Variants in DOK7 observed in about 807,000 individuals in gnomAD.
DOK7 encodes protein Dok-7.
A neutral mutation model predicts 30.7 loss-of-function variants in DOK7; 32 were observed. That is an observed-to-expected ratio of 1.04 (90% confidence interval 0.79 to 1.40). DOK7 has a LOEUF of 1.40. DOK7 is among the 40% of genes most tolerant of loss of function. The pLI is 0.00. For synonymous variants in DOK7, 447 were observed against 324.1 expected (o/e 1.38, Z -4.07); for missense variants, 1,007 against 699.2 (o/e 1.44, Z -4.97).
At chr4:3,483,595 G>A (rs1312024018) in intron 4 of DOK7, among the ~76,000 whole-genome samples, 1 of 152,220 alleles carries the variant, frequency 6.6e-6, no homozygotes, top group African/African-American at 2.4e-5. Context: ...TTCGGGGTGA[G>A]TGACGCTCCG....
chr4:3,494,504 C>G, downstream of DOK7: 2 of 985,522 alleles, frequency 2.0e-6, no homozygotes, highest in Non-Finnish European at 2.4e-6. Flanking sequence ...TAGTCCGTTG[C>G]CCAGCCCTCT....
At chr4:3,466,327 G>C (rs1327615732) in intron 2 of DOK7, among the ~76,000 whole-genome samples, 1 of 152,168 alleles carries the variant, frequency 6.6e-6, no homozygotes, top group Non-Finnish European at 1.5e-5. Context: ...GGACCCCACG[G>C]AGACGGCGCA....
intron 6 of DOK7, 47 bp from the exon 7 acceptor site, chr4:3,492,712 A>C (rs894235000): frequency 1.9e-6 from 3 of 1,588,760 alleles, no homozygotes; most frequent in South Asian, 2.2e-5. Flanking sequence ...CGTCCTGCCC[A>C]GACCCCTGTA....
chr4:3,491,677 G>A (rs528746772), intron 6 of DOK7, among the ~76,000 whole-genome samples: 2 of 152,358 alleles, frequency 1.3e-5, no homozygotes, highest in African/African-American at 4.8e-5. Flanking sequence ...GTGGCTGGGG[G>A]AGACCAAGGC....
intron 4 of DOK7, among the ~76,000 whole-genome samples, chr4:3,477,101 G>A (rs574219441): frequency 3.9e-5 from 6 of 152,312 alleles, no homozygotes; most frequent in Admixed American, 2.6e-4. Context: ...GAGGGAAATC[G>A]GAGCAGGAAG....
chr4:3,494,706 G>GCACGTGTGGCACATTCCTGGGTGTGTC (rs1301783425), downstream of DOK7, among the ~76,000 whole-genome samples: 10 of 152,240 alleles, frequency 6.6e-5, no homozygotes, highest in Non-Finnish European at 1.3e-4. Flanking sequence ...TGTGGTGTGT[G>GCACGTGTGGCACATTCCTGGGTGTGTC]CACGTGTGGC....
Position 3,473,508 on chromosome 4 carries a change from G to A in DOK7, c.203G>A (p.Gly68Asp). Residue 68 changes from glycine (G) to aspartate (D), a missense_variant, in exon 3 of 7, where the codon GGC becomes GAC. By Grantham distance (94) the Gly-to-Asp change is moderately conservative. Coordinates refer to ENST00000340083, the MANE Select transcript of DOK7 (RefSeq NM_173660.5). ...GAGGACATCTGCGGGCTGGAGCCCG[G>A]CCTGCCCTACGAGGGCCTGGTCCAC... ...TLEDICGLEP[G>D]LPYEGLVHTL... 6.2e-7 allele frequency: 1 copy of A among 1,611,138 alleles called. No individual in the cohort carries two copies. Among genetic ancestry groups the A allele is most frequent in the Non-Finnish European group, 8.5e-7 (1 of 1,179,772 alleles).
At chr4:3,485,284 G>A (rs559020486) in intron 4 of DOK7, 131 of 458,512 alleles carry the variant, frequency 2.9e-4, no homozygotes, top group African/African-American at 2.2e-3. Flanking sequence ...AGTTTGAAGG[G>A]TGCGGCGGGG....
chr4:3,484,692 G>A, intron 4 of DOK7: 1 of 985,532 alleles, frequency 1.0e-6, no homozygotes, highest in African/African-American at 1.7e-5. Context: ...CTGCTGTGGG[G>A]GTGCAGGGGT....
At chr4:3,495,335 C>T (rs1728848018), downstream of DOK7, among the ~76,000 whole-genome samples, 1 of 152,214 alleles carries the variant, frequency 6.6e-6, no homozygotes, top group Non-Finnish European at 1.5e-5. Context: ...TCTTCATCAT[C>T]CACGCTCAGC....
At chr4:3,486,174 T>C (rs1727776379) in intron 5 of DOK7, among the ~76,000 whole-genome samples, 1 of 152,088 alleles carries the variant, frequency 6.6e-6, no homozygotes, top group South Asian at 2.1e-4. Flanking sequence ...GGGGGTCTCG[T>C]CTTGTCTCAC....
At chr4:3,482,692 C>G (rs1027923543) in intron 4 of DOK7, among the ~76,000 whole-genome samples, 3 of 152,282 alleles carry the variant, frequency 2.0e-5, no homozygotes, top group Non-Finnish European at 4.4e-5. Context: ...GTTCTCCCCC[C>G]TTTCCCCAAA....
In DOK7 at chr4:3,476,581, A is replaced by G. The variant is rs1553846757; in HGVS notation, c.532+39A>G. On this transcript the variant is annotated intron_variant, in intron 4 of 6. Coordinates refer to ENST00000340083, the MANE Select transcript of DOK7 (RefSeq NM_173660.5). ...TGTGGGGTCACTGGGCAGCAGCAGCACCCCCCACTTCCCCTGAGAACTGCT... is the reference window on the plus strand; with the variant it reads ...TGTGGGGTCACTGGGCAGCAGCAGCGCCCCCCACTTCCCCTGAGAACTGCT... The G allele has an allele frequency of 9.3e-6, 15 of 1,610,734 alleles. No individual in the cohort carries two copies. The South Asian group carries it at 1.6e-4, about 18-fold the overall frequency.
In DOK7 at chr4:3,484,257, G is replaced by C. The variant is rs1172957660; in HGVS notation, c.533-1282G>C. On this transcript the variant is annotated intron_variant, in intron 4 of 6. Coordinates refer to ENST00000340083, the MANE Select transcript of DOK7 (RefSeq NM_173660.5). Reference sequence around the variant, plus strand: ...GGTGCCGCTCGCCCTCGTGTGCCCGGGGTGGCTGCCAAGGGGCCGGCAGCG... The same window carrying C: ...GGTGCCGCTCGCCCTCGTGTGCCCGCGGTGGCTGCCAAGGGGCCGGCAGCG... Among the ~76,000 whole-genome samples the C allele has an allele frequency of 9.2e-5, 14 of 152,224 alleles. 1 individual carries two copies. In the South Asian group the frequency reaches 2.5e-3, roughly 27 times the overall value.
At chr4:3,482,428 A>G (rs1230954422) in intron 4 of DOK7, among the ~76,000 whole-genome samples, 2 of 152,220 alleles carry the variant, frequency 1.3e-5, no homozygotes, top group African/African-American at 4.8e-5. Flanking sequence ...ACCCTCCGAT[A>G]GGACACCTTG....
intron 2 of DOK7, among the ~76,000 whole-genome samples, chr4:3,469,723 C>G (rs1419439282): frequency 6.6e-6 from 1 of 152,250 alleles, no homozygotes; most frequent in Non-Finnish European, 1.5e-5. Context: ...GGTCTCAGCC[C>G]TGGGCCTGGA....
chr4:3,500,132 C>T, intron 6 of DOK7: 2 of 1,251,172 alleles, frequency 1.6e-6, no homozygotes, highest in Admixed American at 4.6e-5. Flanking sequence ...TTCCAAGGTG[C>T]AGGAGAGGCG....
At chr4:3,478,991 C>T (rs12645126) in intron 4 of DOK7, among the ~76,000 whole-genome samples, 14,419 of 152,160 alleles carry the variant, frequency 0.095, 990 homozygotes, top group South Asian at 0.26. Context: ...CCAGGGGCAG[C>T]GGCATCAGCT....
At chr4:3,480,186 A>T (rs1727355496) in intron 4 of DOK7, among the ~76,000 whole-genome samples, 1 of 152,196 alleles carries the variant, frequency 6.6e-6, no homozygotes, top group South Asian at 2.1e-4. Context: ...AAGCTTTTGG[A>T]GGTGCCCCCT....
Sources: gnomAD v4.1 joint callset for allele counts (sites outside exome capture counted in the v4.1 genomes callset) on GRCh38, gnomAD v4.1.1 for gene constraint, MANE v1.5 for transcripts, NCBI Gene and HGNC (gene_info 2026-07-23, HGNC 2026-07-21) for gene names.